Variants in PTK2 observed in about 807,000 individuals in gnomAD.
PTK2 encodes protein tyrosine kinase 2, also known as focal adhesion kinase 1.
A neutral mutation model predicts 150.1 loss-of-function variants in PTK2; 45 were observed. That is an observed-to-expected ratio of 0.30 (90% CI 0.24 to 0.38). The LOEUF is 0.38. Ranked by LOEUF, PTK2 falls within the 10% of genes least tolerant of loss-of-function variation. The pLI is 1.00. For synonymous variants in PTK2, 432 were observed against 449.2 expected, an observed-to-expected ratio of 0.96 and a Z score of 0.48; for missense variants, 919 against 1,307.3, an observed-to-expected ratio of 0.70 and a Z score of 4.58.
intron 12 of PTK2, among the ~76,000 whole-genome samples, chr8:140,798,178 T>C (rs562502068): frequency 6.6e-6 from 1 of 152,296 alleles, no homozygotes; most frequent in African/African-American, 2.4e-5. Context: ...AACGGTACAT[T>C]AGAGTTGCAG....
intron 2 of PTK2, chr8:140,909,471 A>AT: frequency 6.6e-6 from 1 of 152,316 alleles, no homozygotes; most frequent in African/African-American, 2.4e-5. Flanking sequence ...AAGGTTAGAA[A>AT]TTTTACAGAA....
chr8:140,955,667 T>C (rs1194494384), intron 1 of PTK2, among the ~76,000 whole-genome samples: 1 of 151,868 alleles, frequency 6.6e-6, no homozygotes, highest in Non-Finnish European at 1.5e-5. Flanking sequence ...ACAGAAAAAC[T>C]TGGGGGAAAT....
chr8:140,769,299 A>AT (rs988783031), intron 14 of PTK2, among the ~76,000 whole-genome samples: 3 of 152,124 alleles, frequency 2.0e-5, no homozygotes, highest in African/African-American at 7.2e-5. Context: ...TGCTTTTGAC[A>AT]TTTTTTAAGA....
chr8:140,792,598 G>A (rs543352424), intron 13 of PTK2, among the ~76,000 whole-genome samples: 70 of 152,308 alleles, frequency 4.6e-4, no homozygotes, highest in African/African-American at 1.6e-3. Context: ...AGCTAAACAC[G>A]GGGGAGACAC....
chr8:140,822,574 T>G (rs2100109416), intron 8 of PTK2, among the ~76,000 whole-genome samples: 1 of 152,206 alleles, frequency 6.6e-6, no homozygotes, highest in Non-Finnish European at 1.5e-5. Flanking sequence ...TGATTTCTTT[T>G]TACTTGCTAT....
intron 1 of PTK2, among the ~76,000 whole-genome samples, chr8:140,935,506 C>G (rs2100173288): frequency 6.6e-6 from 1 of 152,100 alleles, no homozygotes; most frequent in South Asian, 2.1e-4. Context: ...GTTATTAGTA[C>G]CTCGCCTGAA....
intron 14 of PTK2, 25 bp from the exon 15 acceptor site, chr8:140,770,824 AG>A (rs766642382): frequency 8.7e-7 from 1 of 1,145,368 alleles, no homozygotes; most frequent in Non-Finnish European, 1.1e-6. Context: ...AAGAGGGGAA[AG>A]AGAAAAATAG....
At chr8:140,918,158 G>T (rs188713697) in intron 2 of PTK2, among the ~76,000 whole-genome samples, 1 of 152,146 alleles carries the variant, frequency 6.6e-6, no homozygotes, top group Non-Finnish European at 1.5e-5. Context: ...ATGGTTCTAG[G>T]AAGGTGCAAC....
At chr8:140,689,124 C>T (rs1319864455) in intron 26 of PTK2, among the ~76,000 whole-genome samples, 1 of 152,124 alleles carries the variant, frequency 6.6e-6, no homozygotes, top group African/African-American at 2.4e-5. Context: ...ACACGTAATA[C>T]ATTGATTCCA....
chr8:140,964,547 ATTTTTTTTT>A (rs1025644210), intron 1 of PTK2, among the ~76,000 whole-genome samples: 3 of 76,848 alleles, frequency 3.9e-5, no homozygotes, highest in African/African-American at 5.9e-5. Context: ...GCCCCAGGTA[ATTTTTTTTT>A]TTTTTTTTTT....
chr8:140,976,757 T>C (rs375771842), intron 1 of PTK2, among the ~76,000 whole-genome samples: 4 of 152,244 alleles, frequency 2.6e-5, no homozygotes, highest in East Asian at 1.9e-4. Context: ...CTAATAATGT[T>C]AGTCTAATCT....
chr8:140,961,951 C>T lies in PTK2; in HGVS notation c.-121-36202G>A, dbSNP rs2100183335. On this transcript the variant is annotated intron_variant, in intron 1 of 31. Transcript: ENST00000522684. ...CTTTTGCAATTTATTGAGTTAGTAT[C>T]TTTAAACTCAAAAATATCTGGGCCT... is the stretch of plus-strand genomic sequence containing the variant. Among the ~76,000 whole-genome samples, 2 of 152,040 alleles carry T rather than the reference C, an allele frequency of 1.3e-5. 1 individual carries two copies. Among genetic ancestry groups the T allele is most frequent in the South Asian group, 4.1e-4 (2 of 4,824 alleles).
chr8:140,866,896 CAAT>C (rs2100139643), intron 4 of PTK2, among the ~76,000 whole-genome samples: 3 of 152,108 alleles, frequency 2.0e-5, no homozygotes, highest in Non-Finnish European at 2.9e-5. Context: ...AAAGGGTAGT[CAAT>C]GATGGACACT....
chr8:140,740,028 G>A (rs1211692677), intron 20 of PTK2, among the ~76,000 whole-genome samples: 3 of 152,232 alleles, frequency 2.0e-5, no homozygotes, highest in African/African-American at 4.8e-5. Context: ...TGAAGAGCAG[G>A]AAGGGGCAAT....
rs143518232 is a variant in PTK2, at chr8:140,888,421, C to T, written c.195+2122G>A. ...GGAAAGGGCTATGGTGAATTCAATG[C>T]CAACTGTGATTTTTCTGCCTCAATC... On this transcript the variant is annotated intron_variant, in intron 3 of 31. Coordinates refer to ENST00000522684, the Ensembl canonical transcript of PTK2. 4.7e-3 allele frequency among the ~76,000 whole-genome samples: 717 copies of T among 152,296 alleles called. 4 individuals are homozygous for T. Among genetic ancestry groups the T allele is most frequent in the African/African-American group, 0.016 (680 of 41,548 alleles).
intron 1 of PTK2, among the ~76,000 whole-genome samples, chr8:140,999,228 T>C (rs1316169356): frequency 6.6e-6 from 1 of 152,262 alleles, no homozygotes; most frequent in East Asian, 1.9e-4. Context: ...GAATGATGTA[T>C]GGGTCCTTCT....
intron 13 of PTK2, among the ~76,000 whole-genome samples, chr8:140,791,915 G>A (rs969179726): frequency 1.7e-4 from 26 of 152,288 alleles, no homozygotes; most frequent in African/African-American, 4.3e-4. Context: ...ACAATCACAC[G>A]GGCTCCTGCA....
intron 24 of PTK2, among the ~76,000 whole-genome samples, chr8:140,703,936 C>T (rs1345624616): frequency 6.6e-6 from 1 of 152,116 alleles, no homozygotes; most frequent in Non-Finnish European, 1.5e-5. Context: ...TCAACACATC[C>T]TTCAACAAAG....
At chr8:140,709,442 A>C (rs1415040057) in intron 23 of PTK2, among the ~76,000 whole-genome samples, 1 of 152,226 alleles carries the variant, frequency 6.6e-6, no homozygotes, top group Non-Finnish European at 1.5e-5. Flanking sequence ...GGAGAGTGCA[A>C]ATGTATTGGT....
Sources: gnomAD v4.1 joint callset for allele counts (sites outside exome capture counted in the v4.1 genomes callset) on GRCh38, gnomAD v4.1.1 for gene constraint, MANE v1.5 for transcripts, NCBI Gene and HGNC (gene_info 2026-07-23, HGNC 2026-07-21) for gene names.